MCM5: variants seen among roughly 807,000 people sequenced by gnomAD.
The protein encoded by MCM5 is minichromosome maintenance complex component 5.
Under a neutral mutation model 79.9 loss-of-function variants are expected in MCM5, and 46 were observed. The ratio of observed to expected loss-of-function variants is 0.58; its 90% confidence interval spans 0.45 to 0.74. The LOEUF (loss-of-function observed/expected upper bound fraction) is 0.74, where lower values mean the gene tolerates loss of function less well. Among genes scored for constraint, MCM5 ranks in the 30% least tolerant of loss-of-function variants. MCM5 has a pLI of 0.00. For missense variants in MCM5, 883 were observed against 1,017.0 expected, an observed-to-expected ratio of 0.87 and a Z score of 1.79; for synonymous variants, 404 against 390.5, an observed-to-expected ratio of 1.03 and a Z score of -0.41.
At chr22:35,445,325 C>CTTTTTTTT in the MCM5 span, among the ~76,000 whole-genome samples, 188 of 83,634 alleles carry the variant, frequency 2.2e-3, 13 homozygotes, top group Middle Eastern at 0.016. Context: ...TTTGACTATG[C>CTTTTTTTT]TTTTTTTTTT....
Position 35,406,631 on chromosome 22 carries a change from A to T in MCM5, c.502A>T (p.Ile168Phe). Residue 168 changes from isoleucine to phenylalanine, a missense_variant, in exon 5 of 17, where the codon ATC (isoleucine) becomes TTC (phenylalanine). Ile to Phe is a conservative substitution (Grantham distance 21). Coordinates refer to ENST00000216122, the MANE Select transcript of MCM5 (RefSeq NM_006739.4). ...ASAVRAKATRISIQCRSCRNT... is the reference protein window; with the variant it reads ...ASAVRAKATRFSIQCRSCRNT... ...TGCGGTCCGTGCCAAGGCCACCCGC[A>T]TCTCTATCCAGTGCCGCAGCTGCCG... The T allele has an allele frequency of 6.2e-7, 1 of 1,613,104 alleles. No homozygotes were observed. Among genetic ancestry groups the T allele is most frequent in the South Asian group, 1.1e-5 (1 of 91,086 alleles).
At chr22:35,402,163 G>C (rs1200135559) in intron 2 of MCM5, among the ~76,000 whole-genome samples, 1 of 152,032 alleles carries the variant, frequency 6.6e-6, no homozygotes, top group African/African-American at 2.4e-5. Context: ...CGACGCTTTG[G>C]GAGGCTGATG....
chr22:35,415,831 A>G lies in MCM5; in HGVS notation c.1206A>G (p.Val402=). 1.2e-6 allele frequency: 2 copies of G among 1,612,766 alleles called. No homozygotes were observed. The highest frequency in any genetic ancestry group is 1.7e-6 in the Non-Finnish European group (2 of 1,179,650). The stretch of plus-strand genomic sequence containing the variant: ...CTGACACCACCCCACTGCCCCAGGT[A>G]TACACGTCTGGGAAAGGCAGCAGCG... ...KFVEKCSPIG[V]YTSGKGSSAA... Residue 402 remains valine (V), a splice_region_variant and synonymous_variant, in exon 10 of 17, where the codon GTA becomes GTG. Transcript: ENST00000216122.
the MCM5 span, among the ~76,000 whole-genome samples, chr22:35,442,130 C>T: frequency 6.6e-6 from 1 of 151,998 alleles, no homozygotes; most frequent in South Asian, 2.1e-4. Context: ...CCCTGCTTGG[C>T]GTTGTTTCCC....
intron 15 of MCM5, 102 bp from the exon 16 acceptor site, chr22:35,423,112 G>A (rs148909368): frequency 8.3e-6 from 11 of 1,321,382 alleles, no homozygotes; most frequent in African/African-American, 1.5e-5. Flanking sequence ...CTTACTCTTC[G>A]GGGCCTGGCT....
At chr22:35,411,844 AC>A in intron 7 of MCM5, among the ~76,000 whole-genome samples, 1 of 152,284 alleles carries the variant, frequency 6.6e-6, no homozygotes, top group African/African-American at 2.4e-5. Context: ...ATGTTCACTT[AC>A]ATATCTGAAA....
Position 35,410,817 on chromosome 22 carries a change from C to A in MCM5, c.826C>A (p.Leu276Met). The A allele has an allele frequency of 1.2e-6, 2 of 1,614,122 alleles. No individual in the cohort carries two copies. The highest frequency in any genetic ancestry group is 1.7e-6 in the Non-Finnish European group (2 of 1,179,988). The change falls in exon 7 of 17, where the codon CTG becomes ATG. Residue 276 changes from leucine to methionine, a missense_variant. By Grantham distance (15) the Leu-to-Met change is conservative. This residue lies in a region of MCM5 where 455 missense variants were observed against 517.5 expected (regional missense o/e 0.88). Transcript: ENST00000216122. ...CATCTACTCCATCAAGAAGTTTGGC[C>A]TGACTACCAGCAGGGGCCGTGACAG... ...MGIYSIKKFG[L>M]TTSRGRDRVG... is the part of the protein sequence containing the mutation.
rs1413006488 is a variant in MCM5 at position 35,423,352 on chromosome 22, C to T, written c.2103+11C>T. On this transcript the variant is annotated intron_variant, in intron 16 of 16. Coordinates refer to ENST00000216122, the MANE Select transcript of MCM5 (RefSeq NM_006739.4). ...GACTTCACCAAGCAGGTGAGCCTGC[C>T]TTGGAGTGGGGGTGTGAGCCGGCAC... is the stretch of plus-strand genomic sequence containing the variant. 1 of 1,588,918 alleles carries T rather than the reference C, an allele frequency of 6.3e-7. No individual in the cohort carries two copies. Among genetic ancestry groups the T allele is most frequent in the Non-Finnish European group, 8.6e-7 (1 of 1,163,006 alleles).
At chr22:35,445,227 G>A in the MCM5 span, among the ~76,000 whole-genome samples, 1 of 152,076 alleles carries the variant, frequency 6.6e-6, no homozygotes, top group African/African-American at 2.4e-5. Flanking sequence ...CCTGAGGGCA[G>A]CTGCTCCTGA....
the MCM5 span, among the ~76,000 whole-genome samples, chr22:35,448,440 C>T: frequency 6.6e-6 from 1 of 152,114 alleles, no homozygotes; most frequent in Non-Finnish European, 1.5e-5. Flanking sequence ...GTCATCTTCC[C>T]AACCACATGC....
intron 9 of MCM5, 56 bp downstream of exon 9, chr22:35,414,042 G>GC: frequency 8.2e-7 from 1 of 1,225,998 alleles, no homozygotes. Context: ...AGGCTGCAGG[G>GC]CAGGGCCTCT....
chr22:35,427,476 G>A (rs892893462), downstream of MCM5, among the ~76,000 whole-genome samples: 8 of 151,496 alleles, frequency 5.3e-5, no homozygotes, highest in South Asian at 1.0e-3. Context: ...ACATGAATAC[G>A]TCTGTTTGGT....
chr22:35,416,354 C>A lies in MCM5; in HGVS notation c.1363C>A (p.Arg455Ser), dbSNP rs376956267. The change falls in exon 11 of 17, where the codon CGT becomes AGT. Residue 455 changes from arginine to serine, a missense_variant. Transcript: ENST00000216122. ...CCCCACTTAGATGCGAGAAGATGAC[C>A]GTGTGGCAATCCACGAAGCCATGGA... Reference protein sequence around the residue: ...DEFDKMREDDRVAIHEAMEQQ... With the variant: ...DEFDKMREDDSVAIHEAMEQQ... 2.5e-6 allele frequency: 4 copies of A among 1,613,774 alleles called. No homozygotes were observed. Among genetic ancestry groups the A allele is most frequent in the Admixed American group, 3.3e-5 (2 of 59,998 alleles).
the MCM5 span, among the ~76,000 whole-genome samples, chr22:35,445,711 A>G: frequency 6.6e-6 from 1 of 152,156 alleles, no homozygotes; most frequent in African/African-American, 2.4e-5. Context: ...GGGTTTCACC[A>G]TGTTGGCCAG....
chr22:35,415,265 A>G (rs906714652), intron 9 of MCM5, among the ~76,000 whole-genome samples: 4 of 152,224 alleles, frequency 2.6e-5, no homozygotes, highest in African/African-American at 9.6e-5. Context: ...CGCTATATCT[A>G]AAATCTCATT....
At chr22:35,401,674 A>AT (rs1358783796) in intron 2 of MCM5, 2 of 471,172 alleles carry the variant, frequency 4.2e-6, no homozygotes, top group Admixed American at 4.7e-5. Flanking sequence ...AGCAGCTGAT[A>AT]TTGCCCACCT....
the MCM5 span, among the ~76,000 whole-genome samples, chr22:35,445,503 ATTTTTG>A: frequency 6.9e-6 from 1 of 144,864 alleles, no homozygotes; most frequent in African/African-American, 2.6e-5. Flanking sequence ...TAATTTTTGT[ATTTTTG>A]TATTTTTTTT....
In MCM5 at chr22:35,400,468, C is replaced by T. The variant is rs1932006401; in HGVS notation, c.30C>T (p.Phe10=). Residue 10 remains phenylalanine (F), a synonymous_variant, in exon 2 of 17, where the codon TTC becomes TTT. Coordinates refer to ENST00000216122, the MANE Select transcript of MCM5 (RefSeq NM_006739.4). ...CGGGATTCGACGATCCTGGCATTTTCTACAGCGACAGCTTCGGGGGCGACG... is the reference window on the plus strand; with the variant it reads ...CGGGATTCGACGATCCTGGCATTTTTTACAGCGACAGCTTCGGGGGCGACG... MSGFDDPGI[F]YSDSFGGDAQ... 2 of 1,614,006 alleles carry T rather than the reference C, an allele frequency of 1.2e-6. No homozygotes were observed. The highest frequency in any genetic ancestry group is 1.7e-5 in the Admixed American group (1 of 60,012).
chr22:35,436,880 A>G, the MCM5 span, among the ~76,000 whole-genome samples: 1 of 145,854 alleles, frequency 6.9e-6, no homozygotes, highest in African/African-American at 2.5e-5. Context: ...TAGAAACCCA[A>G]GCTTTGCCAG....
Sources: allele counts gnomAD v4.1 joint callset (sites outside exome capture counted in the v4.1 genomes callset), GRCh38; gene constraint gnomAD v4.1.1; regional missense constraint gnomAD v4.1.1; transcripts MANE v1.5; gene names NCBI Gene and HGNC (gene_info 2026-07-23, HGNC 2026-07-21).